UMODL1: variants seen among roughly 807,000 people sequenced by gnomAD.
UMODL1 encodes uromodulin like 1.
A neutral mutation model predicts 136.3 loss-of-function variants in UMODL1; 128 were observed. That is an observed-to-expected ratio of 0.94 (90% CI 0.81 to 1.09). The LOEUF is 1.09. UMODL1 is among the 50% of genes least tolerant of loss of function. The pLI, the probability that UMODL1 is intolerant of heterozygous loss-of-function variation, is 0.00. For missense variants in UMODL1, 1,766 were observed against 1,725.6 expected, an observed-to-expected ratio of 1.02 and a Z score of -0.41; for synonymous variants, 721 against 720.0, an observed-to-expected ratio of 1.00 and a Z score of -0.02.
intron 2 of UMODL1, among the ~76,000 whole-genome samples, chr21:42,079,765 G>A (rs2066338570): frequency 6.6e-6 from 1 of 152,190 alleles, no homozygotes; most frequent in Admixed American, 6.5e-5. Context: ...CACCACCATG[G>A]CACAGTTCCA....
At chr21:42,103,463 G>C (rs1159026099) in intron 8 of UMODL1, 7 of 359,420 alleles carry the variant, frequency 1.9e-5, no homozygotes, top group South Asian at 1.3e-4. Flanking sequence ...CTAGTAAGAG[G>C]GGGGACAGCT....
intron 19 of UMODL1, 42 bp from the exon 20 acceptor site, chr21:42,127,630 G>T (rs771070710): frequency 6.3e-7 from 1 of 1,587,890 alleles, no homozygotes; most frequent in Non-Finnish European, 8.6e-7. Context: ...AGGACAGCGG[G>T]GCTCGCTGAC....
rs73905547 is a variant in UMODL1 at position 42,108,685 on chromosome 21, G to A, written c.1520-877G>A. Among the ~76,000 whole-genome samples, 501 of 152,302 alleles carry A rather than the reference G, an allele frequency of 3.3e-3. 1 individual carries two copies. Among genetic ancestry groups the A allele is most frequent in the African/African-American group, 0.012 (486 of 41,558 alleles). On this transcript the variant is annotated intron_variant, in intron 9 of 22. Coordinates refer to ENST00000408910, the MANE Select transcript of UMODL1 (RefSeq NM_001004416.3). The stretch of plus-strand genomic sequence containing the variant: ...ACCTCCAGCAGGGCCTGGCCCTGAC[G>A]ACCTCGGCTCAGCCACCCCATGGGA...
rs143584164 is a variant in UMODL1, at chr21:42,134,148, T to C, written c.3776-3291T>C. Among the ~76,000 whole-genome samples, 613 of 152,342 alleles carry C rather than the reference T, an allele frequency of 4.0e-3. 5 individuals carry two copies. The highest frequency in any genetic ancestry group is 0.014 in the African/African-American group (578 of 41,586). On this transcript the variant is annotated intron_variant, in intron 21 of 22. Coordinates refer to ENST00000408910, the MANE Select transcript of UMODL1 (RefSeq NM_001004416.3). Reference sequence around the variant, plus strand: ...GTTGGCCAGGATGGTCTCGATCTCCTGACCTCATGATCTACCCACCTCAGC... The same window carrying C: ...GTTGGCCAGGATGGTCTCGATCTCCCGACCTCATGATCTACCCACCTCAGC...
Position 42,088,993 on chromosome 21 carries a change from G to A in UMODL1, c.790+513G>A, listed in dbSNP as rs796810085. On this transcript the variant is annotated intron_variant, in intron 5 of 22. Transcript: ENST00000408910. Reference sequence around the variant, plus strand: ...TGGCAAAGCACATAGACGTGGCCTTGTTTCTGGAAGAAATTACCTATTCTT... The same window carrying A: ...TGGCAAAGCACATAGACGTGGCCTTATTTCTGGAAGAAATTACCTATTCTT... 3.9e-5 allele frequency among the ~76,000 whole-genome samples: 6 copies of A among 152,328 alleles called. 1 individual carries two copies. The highest frequency in any genetic ancestry group is 1.2e-4 in the African/African-American group (5 of 41,568).
At chr21:42,073,032 G>GCA (rs1491235329) in intron 1 of UMODL1, among the ~76,000 whole-genome samples, 1 of 151,772 alleles carries the variant, frequency 6.6e-6, no homozygotes, top group African/African-American at 2.4e-5. Flanking sequence ...GCGCGCGCGC[G>GCA]TGTGTGTGTG....
At chr21:42,111,285 C>T (rs1159564664) in intron 11 of UMODL1, 164 bp downstream of exon 11, 2 of 1,388,000 alleles carry the variant, frequency 1.4e-6, no homozygotes, top group East Asian at 3.1e-5. Context: ...CAGGTGAACC[C>T]CAGCCAGCGG....
chr21:42,105,631 G>A (rs1032916257), intron 9 of UMODL1, among the ~76,000 whole-genome samples: 2 of 152,180 alleles, frequency 1.3e-5, no homozygotes, highest in African/African-American at 4.8e-5. Flanking sequence ...GAGACAAGAG[G>A]AGGAGACACA....
chr21:42,085,341 A>G lies in UMODL1; in HGVS notation c.532A>G (p.Lys178Glu). ...GSWYNVTILV[K>E]MDFKELQQVD... ...CTGGTACAACGTCACCATACTGGTG[A>G]AAATGGACTTCAAGGAACTCCAGCA... Residue 178 changes from lysine (K) to glutamate (E), a missense_variant, in exon 4 of 23, where the codon AAA becomes GAA. Transcript: ENST00000408910. This position sits in a 1 kb window ranked among gnomAD's most constrained non-coding sequence, Gnocchi z 4.5. The G allele has an allele frequency of 6.2e-7, 1 of 1,614,064 alleles. No homozygotes were observed. Among genetic ancestry groups the G allele is most frequent in the Non-Finnish European group, 8.5e-7 (1 of 1,179,970 alleles).
intron 6 of UMODL1, among the ~76,000 whole-genome samples, chr21:42,095,410 G>A (rs1257797685): frequency 6.6e-6 from 1 of 151,924 alleles, no homozygotes; most frequent in African/African-American, 2.4e-5. Context: ...CCATCTTCAA[G>A]GTCAACATCT....
chr21:42,129,935 A>G, intron 21 of UMODL1, 138 bp downstream of exon 21: 1 of 628,152 alleles, frequency 1.6e-6, no homozygotes, highest in South Asian at 2.7e-5. Context: ...TAACAGAAAT[A>G]CTCATAGTTA....
chr21:42,075,442 T>C (rs57968846), intron 1 of UMODL1, among the ~76,000 whole-genome samples: 7,633 of 152,274 alleles, frequency 0.05, 640 homozygotes, highest in African/African-American at 0.17. Context: ...AGTACCTGCT[T>C]ACTTATCTTC....
chr21:42,088,740 C>T (rs934201141), intron 5 of UMODL1, among the ~76,000 whole-genome samples: 1 of 151,754 alleles, frequency 6.6e-6, no homozygotes, highest in African/African-American at 2.4e-5. Context: ...CTCTCCTCTT[C>T]CCTCCATCTC....
rs1248581750 is a variant in UMODL1, at chr21:42,085,838, G to A, written c.603+426G>A. Among the ~76,000 whole-genome samples, 1 of 152,116 alleles carries A rather than the reference G, an allele frequency of 6.6e-6. No homozygotes were observed. The highest frequency in any genetic ancestry group is 2.4e-5 in the African/African-American group (1 of 41,420). On this transcript the variant is annotated intron_variant, in intron 4 of 22. Coordinates refer to ENST00000408910, the MANE Select transcript of UMODL1 (RefSeq NM_001004416.3). This position sits in a 1 kb window ranked among gnomAD's most constrained non-coding sequence, Gnocchi z 4.5. ...ACCTGGGAGTGCTGAGATGGGAACCGTAGCCCAGGGCTGGAGAGCACCCTG... is the reference window on the plus strand; with the variant it reads ...ACCTGGGAGTGCTGAGATGGGAACCATAGCCCAGGGCTGGAGAGCACCCTG...
intron 17 of UMODL1, among the ~76,000 whole-genome samples, chr21:42,125,090 G>A (rs2067034366): frequency 6.6e-6 from 1 of 152,174 alleles, no homozygotes; most frequent in Non-Finnish European, 1.5e-5. Context: ...GGCGGCCTCT[G>A]GCACTGGATG....
chr21:42,072,236 C>T (rs1168606760), intron 1 of UMODL1, among the ~76,000 whole-genome samples: 1 of 152,208 alleles, frequency 6.6e-6, no homozygotes, highest in Non-Finnish European at 1.5e-5. Context: ...TTCTTAAAAA[C>T]ACACGGGAGT....
chr21:42,089,606 G>A (rs2066466454), intron 5 of UMODL1, among the ~76,000 whole-genome samples: 1 of 152,160 alleles, frequency 6.6e-6, no homozygotes, highest in Admixed American at 6.5e-5. Context: ...GTTTGGGGAG[G>A]GTCTAGGGAA....
At chr21:42,071,647 G>A (rs148855572) in intron 1 of UMODL1, among the ~76,000 whole-genome samples, 233 of 152,192 alleles carry the variant, frequency 1.5e-3, no homozygotes, top group Non-Finnish European at 2.5e-3. Context: ...TCACCTGGGC[G>A]TTCGTGGGGG....
chr21:42,069,243 C>CACACACACACACACACAT (rs2066208719), upstream of UMODL1, among the ~76,000 whole-genome samples: 1 of 146,522 alleles, frequency 6.8e-6, no homozygotes. Context: ...CACACACACA[C>CACACACACACACACACAT]ACACACACAC....
Sources: allele counts gnomAD v4.1 joint callset (sites outside exome capture counted in the v4.1 genomes callset), GRCh38; gene constraint gnomAD v4.1.1; non-coding constraint Gnocchi (gnomAD v3.1); transcripts MANE v1.5; gene names NCBI Gene and HGNC (gene_info 2026-07-23, HGNC 2026-07-21).